The following FBXW7 variants were observed in gnomAD, a reference collection of about 807,000 sequenced individuals.
FBXW7 encodes the protein F-box and WD repeat domain containing 7.
In FBXW7, 11 loss-of-function variants were observed where a neutral mutation model predicts 86.3. The observed-to-expected ratio is 0.13, with a 90% CI of 0.08 to 0.21. The LOEUF (loss-of-function observed/expected upper bound fraction) is 0.21. Among genes scored for constraint, FBXW7 ranks in the 10% least tolerant of loss-of-function variants. The probability of loss-of-function intolerance (pLI) is 1.00; values close to 1 mark genes in which losing one functional copy is unlikely to be tolerated. For missense variants in FBXW7, 488 were observed against 847.4 expected (o/e 0.58, Z 5.27); for synonymous variants, 313 against 297.9 (o/e 1.05, Z -0.52).
At chr4:152,467,581 C>A (rs1264390766) in intron 2 of FBXW7, among the ~76,000 whole-genome samples, 1 of 152,134 alleles carries the variant, frequency 6.6e-6, no homozygotes, top group Non-Finnish European at 1.5e-5. Flanking sequence ...CACAGTAACA[C>A]ATGGGATCAA....
At position 152,534,341 on chromosome 4, in the gene FBXW7, T is replaced by C. The variant is rs558710867; in HGVS notation, c.-120+600A>G. Reference sequence around the variant, plus strand: ...TGATAAATGCTCTTCCCCAAGTAAGTTGTGATTCCTAACAACTCAAGTTCC... The same window carrying C: ...TGATAAATGCTCTTCCCCAAGTAAGCTGTGATTCCTAACAACTCAAGTTCC... On this transcript the variant is annotated intron_variant, in intron 2 of 13. Coordinates refer to ENST00000281708, the MANE Select transcript of FBXW7 (RefSeq NM_001349798.2). 3.3e-5 allele frequency among the ~76,000 whole-genome samples: 5 copies of C among 152,170 alleles called. No homozygotes were observed. In the South Asian group the frequency reaches 1.0e-3, roughly 32 times the overall value.
At chr4:152,429,003 A>C (rs948969358) in intron 2 of FBXW7, among the ~76,000 whole-genome samples, 5 of 152,138 alleles carry the variant, frequency 3.3e-5, no homozygotes, top group Non-Finnish European at 1.5e-5. Flanking sequence ...CAGCCTAACC[A>C]ACATGGAGAA....
intron 4 of FBXW7, among the ~76,000 whole-genome samples, chr4:152,400,226 A>G (rs758502714): frequency 2.0e-5 from 3 of 152,232 alleles, no homozygotes; most frequent in Non-Finnish European, 4.4e-5. Context: ...ACCACCGAAC[A>G]TCCACATGCA....
At chr4:152,529,564 A>T (rs2149745282) in intron 2 of FBXW7, among the ~76,000 whole-genome samples, 1 of 152,364 alleles carries the variant, frequency 6.6e-6, no homozygotes, top group Non-Finnish European at 1.5e-5. Context: ...CAATGTTGGT[A>T]TCTGCTGACA....
rs2126636579 is a variant in FBXW7 at position 152,347,066 on chromosome 4, G to T, written c.590C>A (p.Thr197Asn). 1 of 1,574,004 alleles carries T rather than the reference G, an allele frequency of 6.4e-7. No individual in the cohort carries two copies. The highest frequency in any genetic ancestry group is 1.4e-5 in the African/African-American group (1 of 70,840). Residue 197 changes from threonine to asparagine, a missense_variant, in exon 6 of 14, where the codon ACT becomes AAT. Transcript: ENST00000281708. ...PCKVSEYTST[T>N]GLVPCSATPT... ...TGTTGCTGAACATGGTACAAGCCCA[G>T]TGGTACTACAAAAAAAAAAAAAAGA...
chr4:152,445,201 T>C (rs1419373116), intron 2 of FBXW7, among the ~76,000 whole-genome samples: 3 of 152,176 alleles, frequency 2.0e-5, no homozygotes, highest in South Asian at 2.1e-4. Flanking sequence ...CTACGAATTA[T>C]TGCTGAGTAA....
At chr4:152,495,131 A>G (rs1208960390) in intron 2 of FBXW7, among the ~76,000 whole-genome samples, 3 of 152,194 alleles carry the variant, frequency 2.0e-5, no homozygotes, top group Non-Finnish European at 4.4e-5. Context: ...CAGAAAGGAT[A>G]TATCAAAATA....
At chr4:152,386,026 C>G (rs1230643955) in intron 4 of FBXW7, among the ~76,000 whole-genome samples, 1 of 151,882 alleles carries the variant, frequency 6.6e-6, no homozygotes, top group Admixed American at 6.6e-5. Flanking sequence ...GACAAAAACC[C>G]TAATAAATGA....
chr4:152,484,128 G>C (rs1326460629), intron 2 of FBXW7, among the ~76,000 whole-genome samples: 1 of 152,046 alleles, frequency 6.6e-6, no homozygotes, highest in Non-Finnish European at 1.5e-5. Context: ...AGAATGAAGT[G>C]TTGTTATTTT....
intron 11 of FBXW7, among the ~76,000 whole-genome samples, chr4:152,326,961 T>C (rs1047725671): frequency 1.3e-5 from 2 of 152,188 alleles, no homozygotes; most frequent in East Asian, 1.9e-4. Context: ...TTAAAAACAA[T>C]GGCTATCCCT....
chr4:152,336,803 C>T (rs1287992810), intron 7 of FBXW7, among the ~76,000 whole-genome samples: 3 of 152,012 alleles, frequency 2.0e-5, no homozygotes, highest in African/African-American at 7.2e-5. Flanking sequence ...AAATATGATA[C>T]AACTATTTTA....
At chr4:152,374,280 C>T (rs1734279348) in intron 4 of FBXW7, among the ~76,000 whole-genome samples, 1 of 151,924 alleles carries the variant, frequency 6.6e-6, no homozygotes, top group South Asian at 2.1e-4. Context: ...TTCTCTATTT[C>T]AGCATTTTCT....
At chr4:152,503,755 T>G (rs1313489685) in intron 2 of FBXW7, among the ~76,000 whole-genome samples, 1 of 152,094 alleles carries the variant, frequency 6.6e-6, no homozygotes. Flanking sequence ...AACAGACAGC[T>G]CCAGCTATGT....
intron 4 of FBXW7, among the ~76,000 whole-genome samples, chr4:152,394,193 TTAGA>T (rs1330469532): frequency 6.6e-6 from 1 of 152,064 alleles, no homozygotes; most frequent in Non-Finnish European, 1.5e-5. Context: ...TGTGAAAAAC[TTAGA>T]TATTTTCTGT....
At chr4:152,460,973 G>A (rs1742885003) in intron 2 of FBXW7, among the ~76,000 whole-genome samples, 1 of 151,926 alleles carries the variant, frequency 6.6e-6, no homozygotes, top group Non-Finnish European at 1.5e-5. Flanking sequence ...TGATTCTTTT[G>A]CCATCTCCAA....
intron 4 of FBXW7, chr4:152,352,722 GAC>G: frequency 6.2e-7 from 1 of 1,613,672 alleles, no homozygotes; most frequent in Non-Finnish European, 8.5e-7. Context: ...CGCTTCTCGG[GAC>G]ACACATACAT....
At chr4:152,361,171 A>C (rs951599490) in intron 4 of FBXW7, among the ~76,000 whole-genome samples, 4 of 152,094 alleles carry the variant, frequency 2.6e-5, no homozygotes, top group Non-Finnish European at 4.4e-5. Context: ...GGTGATCTTT[A>C]ATCAATTCTT....
intron 2 of FBXW7, among the ~76,000 whole-genome samples, chr4:152,509,798 A>G (rs1021256090): frequency 1.3e-5 from 2 of 152,222 alleles, no homozygotes; most frequent in African/African-American, 4.8e-5. Context: ...CTGTCACTCA[A>G]TGGGTTGTCC....
chr4:152,425,891 G>A (rs548466701), intron 2 of FBXW7, among the ~76,000 whole-genome samples: 8 of 152,246 alleles, frequency 5.3e-5, no homozygotes, highest in East Asian at 3.9e-4. Context: ...ATTGTTCAGG[G>A]TGAACAGAAA....
Sources: allele counts gnomAD v4.1 joint callset (sites outside exome capture counted in the v4.1 genomes callset), GRCh38; gene constraint gnomAD v4.1.1; transcripts MANE v1.5; gene names NCBI Gene and HGNC (gene_info 2026-07-23, HGNC 2026-07-21).